MAP3K7CL: variants seen among roughly 807,000 people sequenced by gnomAD.
The protein encoded by MAP3K7CL is MAP3K7 C-terminal like.
A neutral mutation model predicts 18.6 loss-of-function variants in MAP3K7CL; 16 were observed. The observed-to-expected ratio is 0.86, with a 90% CI of 0.58 to 1.31. The LOEUF (loss-of-function observed/expected upper bound fraction) is 1.31. Among genes scored for constraint, MAP3K7CL ranks in the 50% most tolerant of loss-of-function variants. The probability of loss-of-function intolerance (pLI) is 0.00; values close to 1 mark genes in which losing one functional copy is unlikely to be tolerated. For synonymous variants in MAP3K7CL, 65 were observed against 66.8 expected, an observed-to-expected ratio of 0.97 and a Z score of 0.13; for missense variants, 163 against 174.4, an observed-to-expected ratio of 0.93 and a Z score of 0.37.
chr21:29,086,977 C>T (rs2085936095), intron 1 of MAP3K7CL, among the ~76,000 whole-genome samples: 1 of 152,180 alleles, frequency 6.6e-6, no homozygotes, highest in Non-Finnish European at 1.5e-5. Flanking sequence ...AAAATAAAAA[C>T]CAAACTCTAA....
chr21:29,125,461 G>C (rs187721079), intron 4 of MAP3K7CL, among the ~76,000 whole-genome samples: 1 of 152,280 alleles, frequency 6.6e-6, no homozygotes, highest in Non-Finnish European at 1.5e-5. Context: ...TTGGGGGCAC[G>C]AATGATATAG....
At chr21:29,155,045 A>G (rs1436842845) in intron 3 of MAP3K7CL, among the ~76,000 whole-genome samples, 3 of 152,244 alleles carry the variant, frequency 2.0e-5, no homozygotes, top group African/African-American at 7.2e-5. Flanking sequence ...GTTCTGTAGT[A>G]TAATTGATAG....
chr21:29,126,456 T>G (rs931362460), upstream of MAP3K7CL, among the ~76,000 whole-genome samples: 1 of 152,082 alleles, frequency 6.6e-6, no homozygotes, highest in African/African-American at 2.4e-5. Context: ...TCTGTTTTTT[T>G]GTTTGTTTGT....
intron 1 of MAP3K7CL, among the ~76,000 whole-genome samples, chr21:29,090,723 A>C (rs2086011183): frequency 6.7e-6 from 1 of 150,338 alleles, no homozygotes; most frequent in Admixed American, 6.6e-5. Context: ...CTTTTTTTGC[A>C]TGGAGCCAGG....
intron 4 of MAP3K7CL, among the ~76,000 whole-genome samples, chr21:29,114,344 C>T (rs1000873177): frequency 1.3e-5 from 2 of 151,306 alleles, no homozygotes; most frequent in Admixed American, 1.3e-4. Flanking sequence ...GCTGGGATTA[C>T]GGGTGTGTGC....
At chr21:29,109,333 ATTAATTTGATTTTCAT>A in intron 4 of MAP3K7CL, 1 of 1,400,638 alleles carries the variant, frequency 7.1e-7, no homozygotes, top group Middle Eastern at 1.9e-4. Flanking sequence ...CCTTCTAGTA[ATTAATTTGATTTTCAT>A]TAGTAATAGA....
At chr21:29,133,125 G>T (rs966330512) in intron 1 of MAP3K7CL, among the ~76,000 whole-genome samples, 181 bp from the exon 2 acceptor site, 4 of 152,164 alleles carry the variant, frequency 2.6e-5, no homozygotes, top group Admixed American at 1.3e-4. Context: ...AAGAAAAAAA[G>T]ATTTAAATGG....
rs535220202 is a variant in MAP3K7CL at position 29,171,538 on chromosome 21, G to A, written c.249-3174G>A. Among the ~76,000 whole-genome samples, 6 of 152,112 alleles carry A rather than the reference G, an allele frequency of 3.9e-5. No individual in the cohort carries two copies. The East Asian group carries it at 9.6e-4, about 24-fold the overall frequency. Reference sequence around the variant, plus strand: ...AAAGTAGTATAGAGAACTCCCAACCGGGCGTGGTGGTTCACGCCTGTAATC... The same window carrying A: ...AAAGTAGTATAGAGAACTCCCAACCAGGCGTGGTGGTTCACGCCTGTAATC... On this transcript the variant is annotated intron_variant, in intron 4 of 4. Transcript: ENST00000399928.
chr21:29,160,921 A>G (rs78220327), intron 4 of MAP3K7CL, among the ~76,000 whole-genome samples: 2,347 of 152,360 alleles, frequency 0.015, 55 homozygotes, highest in African/African-American at 0.053. Flanking sequence ...GAACACAAAC[A>G]TATTGTGATT....
chr21:29,127,230 C>A (rs2086696306), upstream of MAP3K7CL, among the ~76,000 whole-genome samples: 1 of 152,096 alleles, frequency 6.6e-6, no homozygotes, highest in African/African-American at 2.4e-5. Context: ...GTGAAAAGCT[C>A]CTTGAATATT....
upstream of MAP3K7CL, among the ~76,000 whole-genome samples, chr21:29,081,485 G>A (rs539970547): frequency 2.6e-5 from 4 of 152,338 alleles, no homozygotes; most frequent in South Asian, 4.1e-4. Context: ...CCTGGGAGGC[G>A]GAGTTGGCAG....
At chr21:29,109,765 G>A (rs1239385532) in intron 4 of MAP3K7CL, 1 of 985,474 alleles carries the variant, frequency 1.0e-6, no homozygotes, top group South Asian at 4.7e-5. Context: ...ATTGTACAAT[G>A]GTCTAATAAA....
At chr21:29,124,303 G>A (rs898947298) in intron 4 of MAP3K7CL, among the ~76,000 whole-genome samples, 6 of 133,730 alleles carry the variant, frequency 4.5e-5, no homozygotes, top group Non-Finnish European at 7.6e-5. Flanking sequence ...GAGGTGAGCC[G>A]ATATCGCGCC....
At chr21:29,154,681 G>A (rs2087357793) in intron 3 of MAP3K7CL, among the ~76,000 whole-genome samples, 1 of 152,190 alleles carries the variant, frequency 6.6e-6, no homozygotes. Flanking sequence ...AAGAAGTCTA[G>A]CCTTCCAGGA....
chr21:29,106,724 G>A (rs1320058097), intron 4 of MAP3K7CL, among the ~76,000 whole-genome samples: 1 of 152,190 alleles, frequency 6.6e-6, no homozygotes, highest in Non-Finnish European at 1.5e-5. Flanking sequence ...TCTGAGCAGT[G>A]GGGCTTTGTC....
chr21:29,139,705 G>C (rs1480341356), intron 2 of MAP3K7CL, among the ~76,000 whole-genome samples: 2 of 151,736 alleles, frequency 1.3e-5, no homozygotes, highest in East Asian at 3.9e-4. Flanking sequence ...CTGCCTCAGT[G>C]TCCTGAGTAG....
intron 4 of MAP3K7CL, among the ~76,000 whole-genome samples, chr21:29,170,621 G>GTC (rs67579815): frequency 6.6e-6 from 1 of 151,452 alleles, no homozygotes; most frequent in Admixed American, 6.6e-5. Context: ...TTTAAAGCAT[G>GTC]TCTCTCTCTC....
At chr21:29,106,109 A>G (rs780195250) in intron 4 of MAP3K7CL, among the ~76,000 whole-genome samples, 10 of 152,122 alleles carry the variant, frequency 6.6e-5, no homozygotes, top group African/African-American at 9.7e-5. Flanking sequence ...TTTCCACACA[A>G]ATCAGGAAAA....
chr21:29,137,117 C>T, intron 2 of MAP3K7CL, among the ~76,000 whole-genome samples: 1 of 152,080 alleles, frequency 6.6e-6, no homozygotes, highest in South Asian at 2.1e-4. Flanking sequence ...TTCAACTTAC[C>T]CCTGAAATTA....
Sources: gnomAD v4.1 joint callset for allele counts (sites outside exome capture counted in the v4.1 genomes callset) on GRCh38, gnomAD v4.1.1 for gene constraint, MANE v1.5 for transcripts, NCBI Gene and HGNC (gene_info 2026-07-23, HGNC 2026-07-21) for gene names.